ASIC5: variants seen among roughly 807,000 people sequenced by gnomAD.
The protein encoded by ASIC5 is bile acid-sensitive ion channel.
In ASIC5, 52 loss-of-function variants were observed where a neutral mutation model predicts 51.2. The ratio of observed to expected loss-of-function variants is 1.02; its 90% CI spans 0.81 to 1.28. The LOEUF (loss-of-function observed/expected upper bound fraction) is 1.28, where lower values mean the gene tolerates loss of function less well. ASIC5 is among the 50% of genes most tolerant of loss of function. ASIC5 has a pLI of 0.00. For synonymous variants in ASIC5, 231 were observed against 200.7 expected (o/e 1.15, Z -1.28); for missense variants, 635 against 595.0 (o/e 1.07, Z -0.70).
In ASIC5 at chr4:155,845,366, G is replaced by T. The variant is rs77552180; in HGVS notation, c.712-1536C>A. Among the ~76,000 whole-genome samples, 41 of 127,364 alleles carry T rather than the reference G, an allele frequency of 3.2e-4. No homozygotes were observed. The East Asian group carries it at 6.2e-3, about 19-fold the overall frequency. The allele number at this position is 127,364 out of a possible 152,430, so 83.6% of individuals were successfully genotyped here. On this transcript the variant is annotated intron_variant, in intron 4 of 9. Transcript: ENST00000537611. ...TCAGGTTTTTGTGGGTTTTTTTTTTGTTTTTCTCTCCTAAGACTTTGTCTT... is the reference window on the plus strand; with the variant it reads ...TCAGGTTTTTGTGGGTTTTTTTTTTTTTTTTCTCTCCTAAGACTTTGTCTT...
Position 155,838,887 on chromosome 4 carries a change from TAAC to T in ASIC5, c.1010-21_1010-19del, listed in dbSNP as rs1273353943. On this transcript the variant is annotated intron_variant, in intron 6 of 9. Transcript: ENST00000537611. ...CCCATATCCTTAAAAATAATAAGTG[TAAC>T]ATATAGAGACTTTACATTTTGTAAA... is the stretch of plus-strand genomic sequence containing the variant. 7.0e-7 allele frequency: 1 copy of T among 1,420,730 alleles called. No homozygotes were observed. Among genetic ancestry groups the T allele is most frequent in the Admixed American group, 1.8e-5 (1 of 56,122 alleles). 88.0% of individuals were successfully genotyped at this position (1,420,730 alleles called of 1,614,324 possible).
chr4:155,842,271 G>A lies in ASIC5; in HGVS notation c.945C>T (p.Cys315=). 1.2e-6 allele frequency: 2 copies of A among 1,613,680 alleles called. No homozygotes were observed. The highest frequency in any genetic ancestry group is 1.7e-6 in the Non-Finnish European group (2 of 1,179,762). ...QNFSSYSTSG[C]LKECKAQHIK... ...TGTGCTGGGCTTTGCATTCCTTCAA[G>A]CAACCAGAAGTGCTGTAGCTGCTAA... Residue 315 remains cysteine, a synonymous_variant, in exon 6 of 10, where the codon TGC becomes TGT. Coordinates refer to ENST00000537611, the MANE Select transcript of ASIC5 (RefSeq NM_017419.3).
chr4:155,843,066 C>T (rs1741157158), intron 5 of ASIC5, among the ~76,000 whole-genome samples: 1 of 152,110 alleles, frequency 6.6e-6, no homozygotes. Flanking sequence ...TGGGAAAGGA[C>T]AGCCTTCATC....
intron 9 of ASIC5, among the ~76,000 whole-genome samples, chr4:155,830,270 T>A (rs1740845537): frequency 6.6e-6 from 1 of 152,014 alleles, no homozygotes; most frequent in African/African-American, 2.4e-5. Context: ...AAACATAAAA[T>A]CTGATTCCAA....
intron 8 of ASIC5, among the ~76,000 whole-genome samples, chr4:155,833,399 CCT>C (rs1322250333): frequency 6.6e-6 from 1 of 152,126 alleles, no homozygotes; most frequent in Non-Finnish European, 1.5e-5. Flanking sequence ...AAATCACTCT[CCT>C]TAATGTTTAC....
At chr4:155,835,025 A>G (rs1181575940) in intron 8 of ASIC5, among the ~76,000 whole-genome samples, 1 of 152,052 alleles carries the variant, frequency 6.6e-6, no homozygotes, top group Non-Finnish European at 1.5e-5. Context: ...CCACCACTCA[A>G]TAAAACCTTG....
intron 6 of ASIC5, among the ~76,000 whole-genome samples, chr4:155,841,820 T>C (rs1741127075): frequency 6.6e-6 from 1 of 152,196 alleles, no homozygotes; most frequent in Non-Finnish European, 1.5e-5. Context: ...GCGATGATTT[T>C]ATAATGTAAA....
Position 155,854,200 on chromosome 4 carries a change from A to G in ASIC5, c.462T>C (p.Ala154=). 6.2e-7 allele frequency: 1 copy of G among 1,613,390 alleles called. No homozygotes were observed. The highest frequency in any genetic ancestry group is 8.5e-7 in the Non-Finnish European group (1 of 1,179,556). Residue 154 remains alanine, a synonymous_variant, in exon 3 of 10, where the codon GCT becomes GCC. Coordinates refer to ENST00000537611, the MANE Select transcript of ASIC5 (RefSeq NM_017419.3). Reference sequence around the variant, plus strand: ...TTTGGTGACTTGCAGCAAAATCAGTAGCCTCTCTAGAGCCAGTGGAATTGG... The same window carrying G: ...TTTGGTGACTTGCAGCAAAATCAGTGGCCTCTCTAGAGCCAGTGGAATTGG... The part of the protein sequence containing the change: ...ITANSTGSRE[A]TDFAASHQNF...
chr4:155,844,678 T>A (rs1157994097), intron 4 of ASIC5, among the ~76,000 whole-genome samples: 3 of 151,942 alleles, frequency 2.0e-5, no homozygotes. Flanking sequence ...ACCCTCTAGC[T>A]CATGAGTATA....
chr4:155,839,825 C>T (rs1741076663), intron 6 of ASIC5, among the ~76,000 whole-genome samples: 1 of 150,224 alleles, frequency 6.7e-6, no homozygotes. Context: ...AAGAGCAATT[C>T]AGAAAAAAAA....
chr4:155,850,817 C>T (rs564138471), intron 4 of ASIC5, among the ~76,000 whole-genome samples: 40 of 152,076 alleles, frequency 2.6e-4, no homozygotes, highest in African/African-American at 8.9e-4. Flanking sequence ...ATTTCTTTAA[C>T]ACTAATGTTC....
At chr4:155,853,190 G>A (rs1472080338) in intron 3 of ASIC5, among the ~76,000 whole-genome samples, 1 of 152,018 alleles carries the variant, frequency 6.6e-6, no homozygotes, top group Non-Finnish European at 1.5e-5. Flanking sequence ...ACTTGTTGGT[G>A]AATAAAAACA....
At chr4:155,838,363 A>G (rs1741039129) in intron 7 of ASIC5, among the ~76,000 whole-genome samples, 1 of 152,184 alleles carries the variant, frequency 6.6e-6, no homozygotes, top group Non-Finnish European at 1.5e-5. Context: ...TATGGCATGT[A>G]CAGTTATAAT....
intron 5 of ASIC5, among the ~76,000 whole-genome samples, chr4:155,842,989 G>C (rs2111239591): frequency 6.6e-6 from 1 of 152,234 alleles, no homozygotes; most frequent in South Asian, 2.1e-4. Context: ...TGCAAACAGT[G>C]CAAACTTCCC....
At chr4:155,834,356 C>T (rs1391756855) in intron 8 of ASIC5, among the ~76,000 whole-genome samples, 1 of 152,166 alleles carries the variant, frequency 6.6e-6, no homozygotes, top group East Asian at 1.9e-4. Flanking sequence ...TTCACATTTG[C>T]CGTCCTGACA....
intron 1 of ASIC5, chr4:155,864,384 A>G (rs929106217): frequency 6.6e-6 from 1 of 152,206 alleles, no homozygotes; most frequent in Non-Finnish European, 1.5e-5. Context: ...TCTATCAGGA[A>G]TCAATCAATA....
In ASIC5 at chr4:155,863,436, A is replaced by T. The variant is rs780060476; in HGVS notation, c.347+12T>A. 6.3e-7 allele frequency: 1 copy of T among 1,589,040 alleles called. No homozygotes were observed. Among genetic ancestry groups the T allele is most frequent in the Middle Eastern group, 1.7e-4 (1 of 5,918 alleles). On this transcript the variant is annotated intron_variant, in intron 2 of 9. Coordinates refer to ENST00000537611, the MANE Select transcript of ASIC5 (RefSeq NM_017419.3). The stretch of plus-strand genomic sequence containing the variant: ...TATAGGAACTAATTATTTTTAAAAA[A>T]GTAATTTTTACCTGTTCAAATTACA...
intron 1 of ASIC5, chr4:155,864,517 G>A (rs952549069): frequency 6.6e-6 from 1 of 152,036 alleles, no homozygotes; most frequent in African/African-American, 2.4e-5. Flanking sequence ...AGGAGAAGAG[G>A]CAATGAATCC....
intron 4 of ASIC5, among the ~76,000 whole-genome samples, chr4:155,848,135 T>G (rs1741298836): frequency 6.6e-6 from 1 of 152,032 alleles, no homozygotes; most frequent in South Asian, 2.1e-4. Flanking sequence ...TTAAGTCTCC[T>G]CTCTCAAAGA....
Sources: gnomAD v4.1 joint callset for allele counts (sites outside exome capture counted in the v4.1 genomes callset) on GRCh38, gnomAD v4.1.1 for gene constraint, MANE v1.5 for transcripts, NCBI Gene and HGNC (gene_info 2026-07-23, HGNC 2026-07-21) for gene names.